The following AFF2 variants were observed in gnomAD, a reference collection of about 807,000 sequenced individuals.
AFF2 encodes AF4/FMR2 family member 2.
AFF2 carries 14 observed loss-of-function variants against 76.9 expected under a neutral mutation model. That is an observed-to-expected ratio of 0.18 (90% CI 0.12 to 0.28). AFF2 has a LOEUF of 0.28. Ranked by LOEUF, AFF2 falls within the 10% of genes least tolerant of loss-of-function variation. The pLI, the probability that AFF2 is intolerant of heterozygous loss-of-function variation, is 1.00. For synonymous variants in AFF2, 398 were observed against 366.7 expected, an observed-to-expected ratio of 1.09 and a Z score of -0.98; for missense variants, 868 against 1,001.1, an observed-to-expected ratio of 0.87 and a Z score of 1.79.
At position 148,958,324 on chromosome X, in the gene AFF2, T is replaced by A. The variant is rs1332163068; in HGVS notation, c.2569-13T>A. ...TGCATTTCAAGCTCTGTGTATTTTT[T>A]TCCCTGTTAAAGCCAATAGAAGTTG... is the stretch of plus-strand genomic sequence containing the variant. On this transcript the variant is annotated splice_polypyrimidine_tract_variant and intron_variant, in intron 11 of 20. Coordinates refer to ENST00000370460, the MANE Select transcript of AFF2 (RefSeq NM_002025.4). 41 of 1,208,988 alleles carry A rather than the reference T, an allele frequency of 3.4e-5. No homozygotes were observed. The highest frequency in any genetic ancestry group is 4.6e-5 in the Non-Finnish European group (41 of 894,692).
intron 15 of AFF2, among the ~76,000 whole-genome samples, chrX:148,971,783 T>A (rs1239486451): frequency 1.2e-5 from 1 of 81,963 alleles, no homozygotes; most frequent in Non-Finnish European, 2.4e-5. Flanking sequence ...GTTTTTTTTT[T>A]TTATTATACT....
intron 1 of AFF2, among the ~76,000 whole-genome samples, chrX:148,619,165 C>A (rs1248178771): frequency 8.9e-6 from 1 of 111,803 alleles, no homozygotes; most frequent in African/African-American, 3.3e-5. Context: ...GCCTTGCATA[C>A]AATCCCTCAT....
At chrX:148,806,511 G>C (rs1014355338) in intron 3 of AFF2, among the ~76,000 whole-genome samples, 1 of 111,777 alleles carries the variant, frequency 8.9e-6, no homozygotes, top group Non-Finnish European at 1.9e-5. Context: ...GTTTGGTCTT[G>C]TCTGTTTCCC....
chrX:148,991,154 G>A, intron 20 of AFF2, 57 bp from the exon 21 acceptor site: 2 of 1,110,865 alleles, frequency 1.8e-6, no homozygotes, highest in East Asian at 6.4e-5. Context: ...TCTCAATGTG[G>A]TGCATATTTT....
intron 3 of AFF2, among the ~76,000 whole-genome samples, chrX:148,684,143 A>G (rs2054577280): frequency 8.9e-6 from 1 of 112,225 alleles, no homozygotes; most frequent in Non-Finnish European, 1.9e-5. Flanking sequence ...TATGGAGGCT[A>G]CTTTTAATAA....
At chrX:148,855,183 A>T (rs966348726) in intron 7 of AFF2, among the ~76,000 whole-genome samples, 2 of 111,601 alleles carry the variant, frequency 1.8e-5, no homozygotes, top group Non-Finnish European at 3.8e-5. Flanking sequence ...GACTTTGGGT[A>T]GAATCGCCTC....
At chrX:148,838,670 C>T (rs1200522273) in intron 5 of AFF2, among the ~76,000 whole-genome samples, 3 of 111,434 alleles carry the variant, frequency 2.7e-5, no homozygotes, top group Non-Finnish European at 5.7e-5. Context: ...GATATAAGGT[C>T]TCAAGTGGCA....
intron 4 of AFF2, among the ~76,000 whole-genome samples, chrX:148,832,874 C>G (rs1557273452): frequency 9.0e-6 from 1 of 111,660 alleles, no homozygotes. Flanking sequence ...AATACTTAGT[C>G]CATGTTGCTT....
At chrX:148,731,104 C>A (rs1336764643) in intron 3 of AFF2, among the ~76,000 whole-genome samples, 2 of 111,535 alleles carry the variant, frequency 1.8e-5, no homozygotes, top group Admixed American at 9.6e-5. Flanking sequence ...AAAAAGATCC[C>A]AAAGAATTCA....
chrX:148,674,914 T>G (rs1384672275), intron 3 of AFF2, among the ~76,000 whole-genome samples: 1 of 112,577 alleles, frequency 8.9e-6, no homozygotes, highest in Non-Finnish European at 1.9e-5. Context: ...GAAAAACAAG[T>G]CCTCTTGTAT....
chrX:148,604,483 C>T (rs1459255561), intron 1 of AFF2, among the ~76,000 whole-genome samples: 3 of 112,268 alleles, frequency 2.7e-5, no homozygotes, highest in Non-Finnish European at 5.6e-5. Context: ...GCCTTGAATT[C>T]CTGGGCTTCA....
chrX:148,673,105 T>C (rs2124480690), intron 3 of AFF2, among the ~76,000 whole-genome samples: 1 of 112,108 alleles, frequency 8.9e-6, no homozygotes, highest in African/African-American at 3.2e-5. Flanking sequence ...TGGGTGAGTG[T>C]CGCTCTACCT....
Position 148,770,243 on chromosome X carries a change from T to C in AFF2, c.1042-39633T>C, listed in dbSNP as rs187560262. Among the ~76,000 whole-genome samples the C allele has an allele frequency of 6.8e-3, 754 of 111,686 alleles. 7 individuals carry two copies. The highest frequency in any genetic ancestry group is 0.023 in the African/African-American group (713 of 30,755). ...AAGGTAGAAACTGCTAGGAGAGGTG[T>C]AGATTAACTCCAGCCAGTGTTGCTG... On this transcript the variant is annotated intron_variant, in intron 3 of 20. Transcript: ENST00000370460.
intron 1 of AFF2, among the ~76,000 whole-genome samples, chrX:148,577,861 A>T (rs1466171795): frequency 9.0e-6 from 1 of 111,319 alleles, no homozygotes; most frequent in Admixed American, 9.5e-5. Flanking sequence ...CACTTGCATT[A>T]GGGCCCACCT....
intron 3 of AFF2, among the ~76,000 whole-genome samples, chrX:148,713,177 A>G (rs1337494461): frequency 1.8e-5 from 2 of 111,364 alleles, no homozygotes; most frequent in East Asian, 5.7e-4. Flanking sequence ...GGAGAATGGC[A>G]GCAGATGAGA....
chrX:148,698,594 A>G (rs899916795), intron 3 of AFF2, among the ~76,000 whole-genome samples: 22 of 112,425 alleles, frequency 2.0e-4, no homozygotes, highest in African/African-American at 6.1e-4. Flanking sequence ...TACTTAGCAC[A>G]TGCAAAAAAT....
intron 1 of AFF2, among the ~76,000 whole-genome samples, chrX:148,501,576 G>C (rs1557231867): frequency 8.8e-6 from 1 of 113,252 alleles, no homozygotes; most frequent in Non-Finnish European, 1.9e-5. Context: ...GCAACGGCCA[G>C]GTGCGGCCAG....
intron 3 of AFF2, among the ~76,000 whole-genome samples, chrX:148,792,363 G>A (rs1299924376): frequency 8.9e-6 from 1 of 112,777 alleles, no homozygotes; most frequent in Non-Finnish European, 1.9e-5. Context: ...TGAGGCAGGA[G>A]AATTGCTTGA....
At chrX:148,714,406 G>T (rs2055003728) in intron 3 of AFF2, among the ~76,000 whole-genome samples, 1 of 111,572 alleles carries the variant, frequency 9.0e-6, no homozygotes, top group Non-Finnish European at 1.9e-5. Context: ...GCATTCCTAT[G>T]TTGTGGATTT....
Sources: allele counts gnomAD v4.1 joint callset (sites outside exome capture counted in the v4.1 genomes callset), GRCh38; gene constraint gnomAD v4.1.1; transcripts MANE v1.5; gene names NCBI Gene and HGNC (gene_info 2026-07-23, HGNC 2026-07-21).